Variants in MTSS2 observed in about 807,000 individuals in gnomAD.
MTSS2 encodes protein MTSS 2.
Under a neutral mutation model 67.1 loss-of-function variants are expected in MTSS2, and 27 were observed. The observed-to-expected ratio is 0.40, with a 90% confidence interval of 0.30 to 0.55. The LOEUF (loss-of-function observed/expected upper bound fraction) is 0.55, where lower values mean the gene tolerates loss of function less well. Among genes scored for constraint, MTSS2 ranks in the 20% least tolerant of loss-of-function variants. The pLI is 0.43. For synonymous variants in MTSS2, 624 were observed against 468.6 expected, an observed-to-expected ratio of 1.33 and a Z score of -4.28; for missense variants, 1,171 against 1,067.8, an observed-to-expected ratio of 1.10 and a Z score of -1.35.
rs769065338 is a variant in MTSS2, at chr16:70,685,714, C to G, written c.69+9G>C. 4 of 1,335,260 alleles carry G rather than the reference C, an allele frequency of 3.0e-6. No homozygotes were observed. The South Asian group carries it at 6.3e-5, about 21-fold the overall frequency. 82.7% of individuals were successfully genotyped at this position (1,335,260 alleles called of 1,614,324 possible). On this transcript the variant is annotated intron_variant, in intron 1 of 14. Coordinates refer to ENST00000338779, the MANE Select transcript of MTSS2 (RefSeq NM_138383.3). ...CGCCGCGCGCCCGGCCCCGCCGCGC[C>G]CCGGTTACCTTCATGTCGTTGACTA... is the stretch of plus-strand genomic sequence containing the variant.
intron 11 of MTSS2, among the ~76,000 whole-genome samples, chr16:70,673,843 T>C (rs1359017111): frequency 6.6e-6 from 1 of 152,104 alleles, no homozygotes; most frequent in Middle Eastern, 3.2e-3. Flanking sequence ...AGTATGCATA[T>C]GGTAAGATTT....
chr16:70,682,321 G>C (rs1417463823), intron 1 of MTSS2, among the ~76,000 whole-genome samples: 1 of 152,194 alleles, frequency 6.6e-6, no homozygotes, highest in African/African-American at 2.4e-5. Context: ...CCAAGGAGTG[G>C]ACTCATGCCA....
chr16:70,674,438 G>A lies in MTSS2; in HGVS notation c.921C>T (p.Tyr307=), dbSNP rs925819016. 2 of 1,614,212 alleles carry A rather than the reference G, an allele frequency of 1.2e-6. No individual in the cohort carries two copies. The highest frequency in any genetic ancestry group is 1.7e-6 in the Non-Finnish European group (2 of 1,180,036). The change falls in exon 11 of 15, where the codon TAC becomes TAT. Residue 307 remains tyrosine, a synonymous_variant. Coordinates refer to ENST00000338779, the MANE Select transcript of MTSS2 (RefSeq NM_138383.3). ...QTYSPSSTCR[Y]RSLAQPATTT... ...TGGTGGCTGGCTGCGCCAGGCTGCG[G>A]TAGCGACAGGTGGAACTGGGTGAGT...
At chr16:70,675,863 A>T (rs2053100393) in intron 10 of MTSS2, among the ~76,000 whole-genome samples, 1 of 152,142 alleles carries the variant, frequency 6.6e-6, no homozygotes, top group Admixed American at 6.5e-5. Context: ...CACTCTCTCC[A>T]ATCCCTCAAG....
chr16:70,675,116 A>G lies in MTSS2; in HGVS notation c.831-588T>C, dbSNP rs2053074150. Among the ~76,000 whole-genome samples, 4 of 151,424 alleles carry G rather than the reference A, an allele frequency of 2.6e-5. No individual in the cohort carries two copies. The South Asian group carries it at 8.4e-4, about 32-fold the overall frequency. The stretch of plus-strand genomic sequence containing the variant: ...AGAGCAAGGCTCTGTCTTGAAAAAA[A>G]AAAAAAGAAACAAGAAACAGTTGTC... On this transcript the variant is annotated intron_variant, in intron 10 of 14. Transcript: ENST00000338779.
At chr16:70,671,238 G>A (rs1305104327) in intron 11 of MTSS2, among the ~76,000 whole-genome samples, 1 of 151,660 alleles carries the variant, frequency 6.6e-6, no homozygotes, top group East Asian at 1.9e-4. Context: ...CCCCGCCTCT[G>A]CTAAAAATAC....
intron 7 of MTSS2, among the ~76,000 whole-genome samples, chr16:70,678,736 C>T (rs1330838000): frequency 2.0e-5 from 3 of 152,248 alleles, no homozygotes; most frequent in Non-Finnish European, 4.4e-5. Flanking sequence ...GGTACCCTCA[C>T]TGACCCGGGA....
At position 70,675,947 on chromosome 16, in the gene MTSS2, G is replaced by C. The variant is rs192352187; in HGVS notation, c.830+934C>G. Among the ~76,000 whole-genome samples, 8 of 152,322 alleles carry C rather than the reference G, an allele frequency of 5.3e-5. No homozygotes were observed. The East Asian group carries it at 1.5e-3, about 29-fold the overall frequency. ...TTGGGTGGTGTTCCTGGCTAAGCGTGACCCTGAAGCCTCCCAGCCTCTGCC... is the reference window on the plus strand; with the variant it reads ...TTGGGTGGTGTTCCTGGCTAAGCGTCACCCTGAAGCCTCCCAGCCTCTGCC... On this transcript the variant is annotated intron_variant, in intron 10 of 14. Transcript: ENST00000338779.
At chr16:70,669,286 G>T (rs1465096356) in intron 11 of MTSS2, among the ~76,000 whole-genome samples, 1 of 152,210 alleles carries the variant, frequency 6.6e-6, no homozygotes, top group Non-Finnish European at 1.5e-5. Context: ...ATACTAAAAA[G>T]TTCTATAAAT....
chr16:70,685,610 A>C (rs1344351990), intron 1 of MTSS2, 113 bp downstream of exon 1: 22 of 548,364 alleles, frequency 4.0e-5, no homozygotes, highest in Admixed American at 3.4e-4. Flanking sequence ...TCAGACAAGG[A>C]CACACAGACA....
intron 1 of MTSS2, among the ~76,000 whole-genome samples, chr16:70,685,260 G>C (rs1313902247): frequency 6.6e-6 from 1 of 152,310 alleles, no homozygotes; most frequent in South Asian, 2.1e-4. Flanking sequence ...GCCTAGGTCG[G>C]CGGGGAAGGA....
chr16:70,670,222 A>T (rs1441916815), intron 11 of MTSS2, among the ~76,000 whole-genome samples: 1 of 151,232 alleles, frequency 6.6e-6, no homozygotes, highest in Non-Finnish European at 1.5e-5. Flanking sequence ...AGTGAGCTGA[A>T]ATTGCACCAC....
At chr16:70,674,212 CTCAACAGCTATAGT>C (rs2053034063) in intron 11 of MTSS2, 80 bp downstream of exon 11, 3 of 1,137,646 alleles carry the variant, frequency 2.6e-6, no homozygotes, top group Non-Finnish European at 3.8e-6. Context: ...CTATAGTAGT[CTCAACAGCTATAGT>C]AGTCCCGCAT....
In MTSS2 at chr16:70,663,952, C is replaced by A; in HGVS notation, c.1969G>T (p.Gly657Trp). 1 of 1,561,654 alleles carries A rather than the reference C, an allele frequency of 6.4e-7. No individual in the cohort carries two copies. The highest frequency in any genetic ancestry group is 2.4e-5 in the East Asian group (1 of 42,280). ...SPSPEAAGYP[G>W]AGAEDEQQQL... ...TGCTGCTCGTCCTCGGCCCCTGCCC[C>A]GGGGTACCCGGCTGCCTCTGGGGAT... The change falls in exon 15 of 15, where the codon GGG (glycine) becomes TGG (tryptophan). Residue 657 changes from glycine to tryptophan, a missense_variant. Physicochemically the swap from Gly to Trp is radical, Grantham distance 184. Around this residue, in one of 2 missense-constraint regions of MTSS2, gnomAD observed 924 missense variants for 756.0 expected, o/e 1.22. Coordinates refer to ENST00000338779, the MANE Select transcript of MTSS2 (RefSeq NM_138383.3).
intron 3 of MTSS2, 134 bp from the exon 4 acceptor site, chr16:70,680,189 C>G (rs1033258159): frequency 2.9e-6 from 1 of 350,088 alleles, no homozygotes; most frequent in African/African-American, 2.2e-5. Flanking sequence ...GCCGCAGTCC[C>G]GCCGGCCCTG....
intron 10 of MTSS2, among the ~76,000 whole-genome samples, chr16:70,676,393 G>A (rs1241730188): frequency 6.6e-6 from 1 of 152,226 alleles, no homozygotes; most frequent in African/African-American, 2.4e-5. Flanking sequence ...CCAGGCTGGA[G>A]TGTCCTATAC....
chr16:70,680,909 G>GC, intron 2 of MTSS2, 42 bp from the exon 3 acceptor site: 2 of 1,053,208 alleles, frequency 1.9e-6, no homozygotes, highest in African/African-American at 2.9e-5. Flanking sequence ...GTGGTTGGGC[G>GC]GGGGGGGGGC....
At position 70,679,791 on chromosome 16, in the gene MTSS2, G is replaced by C. The variant is rs777965465; in HGVS notation, c.377C>G (p.Ala126Gly). ...CGGCTCCGCGCCACCCTCACCTTTCGCGTGGTCCTTGTCCAGCTGGTTGGC... is the reference window on the plus strand; with the variant it reads ...CGGCTCCGCGCCACCCTCACCTTTCCCGTGGTCCTTGTCCAGCTGGTTGGC... ...KAANQLDKDH[A>G]KEYKRARHEI... The change falls in exon 5 of 15, where the codon GCG becomes GGG. Residue 126 changes from alanine (A) to glycine (G), a missense_variant. Physicochemically the swap from Ala to Gly is moderately conservative, Grantham distance 60. Around this residue, in one of 2 missense-constraint regions of MTSS2, gnomAD observed 247 missense variants for 311.8 expected, o/e 0.79. Coordinates refer to ENST00000338779, the MANE Select transcript of MTSS2 (RefSeq NM_138383.3). The C allele has an allele frequency of 1.4e-5, 23 of 1,611,350 alleles. No individual in the cohort carries two copies. The highest frequency in any genetic ancestry group is 1.7e-5 in the Non-Finnish European group (20 of 1,179,618).
Position 70,661,515 on chromosome 16 carries a change from C to G in MTSS2, c.*2162G>C. The G allele has an allele frequency of 2.9e-6, 1 of 348,026 alleles. No homozygotes were observed. The highest frequency in any genetic ancestry group is 5.6e-6 in the Non-Finnish European group (1 of 177,038). 21.6% of individuals were successfully genotyped at this position (348,026 alleles called of 1,614,324 possible). A position where few individuals can be genotyped will look rare whatever the true frequency, so the allele number is the denominator to read the frequency against. On this transcript the variant is annotated 3_prime_UTR_variant, in exon 15 of 15. Transcript: ENST00000338779. ...AGACGCTTTTGAAAAGAATATTTCTCCGTACAAAATGAGAAATTAAACGAA... is the reference window on the plus strand; with the variant it reads ...AGACGCTTTTGAAAAGAATATTTCTGCGTACAAAATGAGAAATTAAACGAA...
Sources: allele counts gnomAD v4.1 joint callset (sites outside exome capture counted in the v4.1 genomes callset), GRCh38; gene constraint gnomAD v4.1.1; regional missense constraint gnomAD v4.1.1; transcripts MANE v1.5; gene names NCBI Gene and HGNC (gene_info 2026-07-23, HGNC 2026-07-21).